ZNF365: variants seen among roughly 807,000 people sequenced by gnomAD.
The protein encoded by ZNF365 is zinc finger protein 365, also known as protein ZNF365.
Under a neutral mutation model 35.0 loss-of-function variants are expected in ZNF365, and 22 were observed. That is an observed-to-expected ratio of 0.63 (90% confidence interval 0.45 to 0.90). The LOEUF (loss-of-function observed/expected upper bound fraction) is 0.90. ZNF365 is among the 40% of genes least tolerant of loss of function. The pLI is 0.00. For missense variants in ZNF365, 448 were observed against 500.3 expected (o/e 0.90, Z 1.00); for synonymous variants, 188 against 196.2 (o/e 0.96, Z 0.35).
chr10:62,441,668 G>A (rs1364358395), intron 3 of ZNF365, among the ~76,000 whole-genome samples: 4 of 152,146 alleles, frequency 2.6e-5, no homozygotes, highest in Non-Finnish European at 5.9e-5. Flanking sequence ...CATTTCATCT[G>A]TGTTGTCTTA....
intron 3 of ZNF365, among the ~76,000 whole-genome samples, chr10:62,435,432 C>G (rs983295420): frequency 1.3e-5 from 2 of 152,168 alleles, no homozygotes; most frequent in Non-Finnish European, 2.9e-5. Context: ...GTATTCAACA[C>G]TAGCTCTGGT....
intron 3 of ZNF365, among the ~76,000 whole-genome samples, chr10:62,425,133 G>A (rs977800752): frequency 3.3e-5 from 5 of 151,952 alleles, no homozygotes; most frequent in Non-Finnish European, 5.9e-5. Context: ...AACTCCAGAT[G>A]TATTAACATT....
chr10:62,383,290 T>A (rs1564567869), intron 2 of ZNF365, among the ~76,000 whole-genome samples: 1 of 152,218 alleles, frequency 6.6e-6, no homozygotes, highest in Admixed American at 6.5e-5. Flanking sequence ...AATGGCACAC[T>A]GGTTCATTGT....
chr10:62,399,409 A>G, intron 4 of ZNF365, 119 bp from the exon 5 acceptor site: 2 of 1,428,048 alleles, frequency 1.4e-6, no homozygotes, highest in East Asian at 2.3e-5. Flanking sequence ...TTGTGGTAGC[A>G]TTATCACCAC....
rs7902778 is a variant in ZNF365 at position 62,400,357 on chromosome 10, C to T, written c.*568C>T. On this transcript the variant is annotated 3_prime_UTR_variant, in exon 5 of 5. Transcript: ENST00000395254. ...CAATTTCTGGGTTGCTCAAGGGACT[C>T]GTTCAGTCAGACTTCAGTTCTCATT... The T allele has an allele frequency of 6.1e-3, 5,987 of 986,364 alleles. 99 individuals are homozygous for T. The highest frequency in any genetic ancestry group is 0.053 in the African/African-American group (3,066 of 57,350). The allele number at this position is 986,364 out of a possible 1,614,324, so 61.1% of individuals were successfully genotyped here.
intron 3 of ZNF365, among the ~76,000 whole-genome samples, chr10:62,437,451 T>C (rs1041725295): frequency 9.2e-5 from 14 of 152,240 alleles, no homozygotes; most frequent in African/African-American, 3.4e-4. Context: ...TATTCTTCTC[T>C]AAGAGGCTTT....
rs533200264 is a variant in ZNF365 at position 62,440,387 on chromosome 10, C to T, written c.925-19354C>T. ...TAGTACCTAATAGTTATCTTTTCTG[C>T]TCCTCCCTCCTCCCAACCTCCACCC... is the stretch of plus-strand genomic sequence containing the variant. On this transcript the variant is annotated intron_variant, in intron 3 of 4. Coordinates refer to the ZNF365 transcript ENST00000395255. Among the ~76,000 whole-genome samples the T allele has an allele frequency of 5.4e-3, 405 of 74,894 alleles. 1 individual carries two copies. The highest frequency in any genetic ancestry group is 0.013 in the African/African-American group (375 of 29,680). 49.1% of individuals were successfully genotyped at this position (74,894 alleles called of 152,430 possible).
At chr10:62,398,141 T>C (rs892387152) in intron 3 of ZNF365, among the ~76,000 whole-genome samples, 3 of 152,202 alleles carry the variant, frequency 2.0e-5, no homozygotes, top group African/African-American at 7.2e-5. Context: ...GAAAGACACA[T>C]GCACACACAT....
intron 3 of ZNF365, among the ~76,000 whole-genome samples, chr10:62,407,812 T>A (rs150234248): frequency 9.0e-4 from 137 of 152,326 alleles, no homozygotes; most frequent in Non-Finnish European, 1.5e-3. Context: ...ATGGTAGACA[T>A]TGCTAATTGG....
intron 3 of ZNF365, among the ~76,000 whole-genome samples, chr10:62,398,132 A>G (rs1839762923): frequency 6.6e-6 from 1 of 152,240 alleles, no homozygotes. Flanking sequence ...ATTATATGAG[A>G]AAGACACATG....
chr10:62,461,002 G>A (rs1840838393), intron 4 of ZNF365, among the ~76,000 whole-genome samples: 1 of 152,188 alleles, frequency 6.6e-6, no homozygotes, highest in Non-Finnish European at 1.5e-5. Context: ...AACAATTCAT[G>A]CTGTTGTCTG....
intron 3 of ZNF365, among the ~76,000 whole-genome samples, chr10:62,437,073 C>T (rs1840419129): frequency 6.6e-6 from 1 of 152,174 alleles, no homozygotes; most frequent in South Asian, 2.1e-4. Flanking sequence ...GAAATGTATT[C>T]TCTGTTTCCA....
At chr10:62,440,501 C>T (rs1840481938) in intron 3 of ZNF365, among the ~76,000 whole-genome samples, 1 of 152,040 alleles carries the variant, frequency 6.6e-6, no homozygotes, top group Admixed American at 6.6e-5. Flanking sequence ...TTTATGTCTA[C>T]CAGCACTGTG....
Position 62,399,509 on chromosome 10 carries a change from C to T in ZNF365, c.963-19C>T, listed in dbSNP as rs768792907. On this transcript the variant is annotated intron_variant, in intron 4 of 4. Coordinates refer to ENST00000395254, the MANE Select transcript of ZNF365 (RefSeq NM_014951.3). Reference sequence around the variant, plus strand: ...TTTCTGCTCATCTCTTCTCCACTCCCCCCTCCAACCCTCTGTAGAAGCCGA... The same window carrying T: ...TTTCTGCTCATCTCTTCTCCACTCCTCCCTCCAACCCTCTGTAGAAGCCGA... The T allele has an allele frequency of 3.7e-6, 6 of 1,610,042 alleles. No homozygotes were observed. The highest frequency in any genetic ancestry group is 4.2e-6 in the Non-Finnish European group (5 of 1,177,398).
intron 4 of ZNF365, among the ~76,000 whole-genome samples, chr10:62,471,864 A>G (rs775255652): frequency 6.6e-6 from 1 of 152,258 alleles, no homozygotes; most frequent in Non-Finnish European, 1.5e-5. Flanking sequence ...ATTCAGCAGG[A>G]TACATTATTT....
At chr10:62,480,047 A>C in exon 5 of ZNF365, 1 of 1,402,354 alleles carries the variant, frequency 7.1e-7, no homozygotes, top group Non-Finnish European at 9.4e-7. Context: ...CTACTTGGTG[A>C]CTTTACTCAC....
chr10:62,438,847 A>C (rs77074686), intron 3 of ZNF365, among the ~76,000 whole-genome samples: 1,735 of 152,264 alleles, frequency 0.011, 32 homozygotes, highest in African/African-American at 0.04. Context: ...TGCTTCTCAC[A>C]GTACTTAGAA....
intron 3 of ZNF365, among the ~76,000 whole-genome samples, chr10:62,449,088 G>A (rs1017995283): frequency 1.3e-5 from 2 of 152,266 alleles, no homozygotes; most frequent in Non-Finnish European, 2.9e-5. Context: ...GGAAAAGAGA[G>A]GAAAGCTTTC....
rs76738166 is a variant in ZNF365, at chr10:62,420,515, T to G, written c.924+31939T>G. Among the ~76,000 whole-genome samples, 919 of 152,272 alleles carry G rather than the reference T, an allele frequency of 6.0e-3. 7 individuals are homozygous for G. Among genetic ancestry groups the G allele is most frequent in the African/African-American group, 0.021 (872 of 41,558 alleles). ...TCTTAACTCAGAAATGATTCACATA[T>G]TTTTTCACATTGTAATTGGCCCATA... On this transcript the variant is annotated intron_variant, in intron 3 of 4. Coordinates refer to the ZNF365 transcript ENST00000395255.
Sources: allele counts gnomAD v4.1 joint callset (sites outside exome capture counted in the v4.1 genomes callset), GRCh38; gene constraint gnomAD v4.1.1; transcripts MANE v1.5; gene names NCBI Gene and HGNC (gene_info 2026-07-23, HGNC 2026-07-21).